GATA4: variants seen among roughly 807,000 people sequenced by gnomAD.
GATA4 encodes transcription factor GATA-4.
GATA4 carries 7 observed loss-of-function variants against 37.9 expected under a neutral mutation model. That is an observed-to-expected ratio of 0.18 (90% CI 0.11 to 0.35). The LOEUF is 0.35. Among genes scored for constraint, GATA4 ranks in the 10% least tolerant of loss-of-function variants. The pLI is 1.00. For missense variants in GATA4, 647 were observed against 653.0 expected, an observed-to-expected ratio of 0.99 and a Z score of 0.10; for synonymous variants, 372 against 292.6, an observed-to-expected ratio of 1.27 and a Z score of -2.77.
rs3030047 is a variant in GATA4, at chr8:11,712,690, TA to T, written c.616+3783del. Among the ~76,000 whole-genome samples, 484 of 93,004 alleles carry T rather than the reference TA, an allele frequency of 5.2e-3. 4 individuals carry two copies. The highest frequency in any genetic ancestry group is 0.048 in the East Asian group (169 of 3,530). 61.0% of individuals were successfully genotyped at this position (93,004 alleles called of 152,430 possible). A position where few individuals can be genotyped will look rare whatever the true frequency, so the allele number is the denominator to read the frequency against. ...GGACAACATAGTGAGACCACATCTC[TA>T]AAAAAAAAAAAAAAAAAAAATTAAC... is the stretch of plus-strand genomic sequence containing the variant. On this transcript the variant is annotated intron_variant, in intron 2 of 6. Coordinates refer to ENST00000532059, the MANE Select transcript of GATA4 (RefSeq NM_001308093.3).
intron 6 of GATA4, among the ~76,000 whole-genome samples, chr8:11,757,872 G>A (rs749638386): frequency 8.5e-5 from 13 of 152,230 alleles, no homozygotes; most frequent in Non-Finnish European, 1.9e-4. Context: ...GAAGGAGGCC[G>A]TGTCTTAGTG....
Position 11,679,133 on chromosome 8 carries a change from A to G in GATA4, c.-274+2070A>G, listed in dbSNP as rs186409540. Among the ~76,000 whole-genome samples the G allele has an allele frequency of 6.1e-5, 9 of 147,228 alleles. No individual in the cohort carries two copies. The East Asian group carries it at 1.8e-3, about 30-fold the overall frequency. ...TCAAGCCATCAATCTCCAATTGTCT[A>G]AACACTACACGAAGTGGAGATTCGA... is the stretch of plus-strand genomic sequence containing the variant. On this transcript the variant is annotated intron_variant, in intron 1 of 6. Transcript: ENST00000528712.
chr8:11,695,048 T>A (rs113884062), intron 1 of GATA4, among the ~76,000 whole-genome samples: 4 of 152,352 alleles, frequency 2.6e-5, no homozygotes, highest in African/African-American at 9.6e-5. Context: ...TGCGCCCTGA[T>A]GGTAGCCCAT....
At chr8:11,727,630 C>G (rs1800995199) in intron 2 of GATA4, among the ~76,000 whole-genome samples, 1 of 151,970 alleles carries the variant, frequency 6.6e-6, no homozygotes, top group Non-Finnish European at 1.5e-5. Context: ...ATCGCTTGAG[C>G]TCAGGAGTTC....
chr8:11,677,298 G>A (rs1227737261), intron 1 of GATA4, among the ~76,000 whole-genome samples: 2 of 152,220 alleles, frequency 1.3e-5, no homozygotes, highest in Admixed American at 6.5e-5. Context: ...AGGCCAGGCC[G>A]CAGACGCCGG....
chr8:11,734,457 G>A (rs1028900939), intron 2 of GATA4, among the ~76,000 whole-genome samples: 2 of 152,148 alleles, frequency 1.3e-5, no homozygotes, highest in Non-Finnish European at 1.5e-5. Context: ...CCACTCATGG[G>A]GTGGGTGTAG....
At chr8:11,714,557 C>G (rs930757068) in intron 2 of GATA4, among the ~76,000 whole-genome samples, 3 of 152,162 alleles carry the variant, frequency 2.0e-5, no homozygotes, top group Admixed American at 2.0e-4. Context: ...GCAGGTCAGT[C>G]AGAGTTGGGG....
intron 1 of GATA4, among the ~76,000 whole-genome samples, chr8:11,682,402 C>T (rs566723528): frequency 6.6e-6 from 1 of 152,226 alleles, no homozygotes; most frequent in East Asian, 1.9e-4. Flanking sequence ...AACAATTCGT[C>T]TTTTTTGTAG....
rs1006175681 is a variant in GATA4, at chr8:11,709,579, G to GC, written c.616+651_616+652insC. Among the ~76,000 whole-genome samples the GC allele has an allele frequency of 1.3e-5, 2 of 151,898 alleles. No homozygotes were observed. The highest frequency in any genetic ancestry group is 6.5e-5 in the Admixed American group (1 of 15,270). On this transcript the variant is annotated intron_variant, in intron 2 of 6. Coordinates refer to ENST00000532059, the MANE Select transcript of GATA4 (RefSeq NM_001308093.3). The surrounding 1 kb of genome is among the most constrained non-coding windows in gnomAD (Gnocchi z 4.3). Reference sequence around the variant, plus strand: ...GTGGGCGCATCATGCGGGCAGCGGGGGGGGGGGCGCACACGCCCGGTCAGT... The same window carrying GC: ...GTGGGCGCATCATGCGGGCAGCGGGGCGGGGGGGCGCACACGCCCGGTCAGT...
chr8:11,679,876 A>C (rs898004071), intron 1 of GATA4, among the ~76,000 whole-genome samples: 2 of 152,224 alleles, frequency 1.3e-5, no homozygotes, highest in Non-Finnish European at 2.9e-5. Context: ...GGAAGAGGGT[A>C]ACAGTATTGT....
intron 4 of GATA4, among the ~76,000 whole-genome samples, chr8:11,754,672 C>T (rs893659778): frequency 2.0e-5 from 3 of 152,210 alleles, no homozygotes; most frequent in Non-Finnish European, 4.4e-5. Flanking sequence ...GATATCCTCA[C>T]GTGCCCCTCC....
intron 1 of GATA4, chr8:11,683,204 C>A (rs1180013685): frequency 1.1e-6 from 1 of 885,934 alleles, no homozygotes. Context: ...TCCATTAGAC[C>A]TCAGCATTTA....
upstream of GATA4, among the ~76,000 whole-genome samples, chr8:11,691,693 C>G (rs1473971715): frequency 6.6e-6 from 1 of 152,148 alleles, no homozygotes; most frequent in South Asian, 2.1e-4. Flanking sequence ...AATCCTGACT[C>G]CCAGACCAAG....
At chr8:11,739,829 C>T (rs1322477295) in intron 2 of GATA4, among the ~76,000 whole-genome samples, 3 of 152,150 alleles carry the variant, frequency 2.0e-5, no homozygotes, top group African/African-American at 7.2e-5. Context: ...ACTTGCCCGG[C>T]CTGCTCTGCA....
chr8:11,712,149 C>T (rs899936833), intron 2 of GATA4, among the ~76,000 whole-genome samples: 7 of 152,206 alleles, frequency 4.6e-5, no homozygotes, highest in African/African-American at 1.7e-4. Flanking sequence ...GGCTTTAGCC[C>T]TTCATAAATG....
At chr8:11,739,613 G>C (rs1179691529) in intron 2 of GATA4, among the ~76,000 whole-genome samples, 2 of 151,412 alleles carry the variant, frequency 1.3e-5, no homozygotes, top group African/African-American at 2.4e-5. Flanking sequence ...CTCAGTGGCC[G>C]GGCAGCCCAG....
chr8:11,706,023 C>A (rs191758871), intron 1 of GATA4: 1 of 152,296 alleles, frequency 6.6e-6, no homozygotes, highest in East Asian at 1.9e-4. Context: ...AATACTGGAT[C>A]TTTTATTAAG....
chr8:11,754,510 G>A (rs983664009), intron 4 of GATA4, among the ~76,000 whole-genome samples: 4 of 152,190 alleles, frequency 2.6e-5, no homozygotes, highest in Non-Finnish European at 5.9e-5. Context: ...GAGCCACTGT[G>A]CCTGGCCTAG....
intron 2 of GATA4, among the ~76,000 whole-genome samples, chr8:11,717,093 C>A (rs924935421): frequency 6.6e-6 from 1 of 152,174 alleles, no homozygotes; most frequent in South Asian, 2.1e-4. Context: ...GCTATATTGA[C>A]CTCTGGTAGA....
Sources: gnomAD v4.1 joint callset for allele counts (sites outside exome capture counted in the v4.1 genomes callset) on GRCh38, gnomAD v4.1.1 for gene constraint, Gnocchi (gnomAD v3.1) non-coding constraint, MANE v1.5 for transcripts, NCBI Gene and HGNC (gene_info 2026-07-23, HGNC 2026-07-21) for gene names.